TRIM13: variants seen among roughly 807,000 people sequenced by gnomAD.
TRIM13 encodes the protein tripartite motif containing 13, also known as E3 ubiquitin-protein ligase TRIM13.
A neutral mutation model predicts 27.1 loss-of-function variants in TRIM13; 15 were observed. That is an observed-to-expected ratio of 0.55 (90% CI 0.37 to 0.85). The LOEUF (loss-of-function observed/expected upper bound fraction) is 0.85. Ranked by LOEUF, TRIM13 falls within the 40% of genes least tolerant of loss-of-function variation. The probability of loss-of-function intolerance (pLI) is 0.00; values close to 1 mark genes in which losing one functional copy is unlikely to be tolerated. For missense variants in TRIM13, 402 were observed against 472.2 expected (o/e 0.85, Z 1.38); for synonymous variants, 193 against 171.5 (o/e 1.13, Z -0.98).
rs1173935698 is a variant in TRIM13, at chr13:50,014,313, CAAAAAAAAAAAAAAAAA to C, written c.*1165_*1181del. 5.2e-5 allele frequency: 1 copy of C among 19,294 alleles called. No homozygotes were observed. 1.2% of individuals were successfully genotyped at this position (19,294 alleles called of 1,614,324 possible). A position where few individuals can be genotyped will look rare whatever the true frequency, so the allele number is the denominator to read the frequency against. On this transcript the variant is annotated 3_prime_UTR_variant, in exon 2 of 2. Coordinates refer to ENST00000378182, the MANE Select transcript of TRIM13 (RefSeq NM_213590.3). ...AAACATAGCAAGACCCAGTCTCTAC[CAAAAAAAAAAAAAAAAA>C]AAAAAAAAAAAAAAATATATATATA...
chr13:49,998,513 G>A (rs1873553144), intron 1 of TRIM13, among the ~76,000 whole-genome samples: 1 of 152,150 alleles, frequency 6.6e-6, no homozygotes, highest in South Asian at 2.1e-4. Context: ...CCTTAAATGT[G>A]TAGAGTTTGC....
chr13:50,010,731 A>G (rs1448651855), intron 1 of TRIM13, among the ~76,000 whole-genome samples: 1 of 152,164 alleles, frequency 6.6e-6, no homozygotes, highest in Non-Finnish European at 1.5e-5. Flanking sequence ...AGATACTGTC[A>G]ATTGTTTTCT....
chr13:50,001,463 T>C (rs905017511), intron 1 of TRIM13, among the ~76,000 whole-genome samples: 1 of 152,198 alleles, frequency 6.6e-6, no homozygotes, highest in African/African-American at 2.4e-5. Flanking sequence ...TTGTGAACTT[T>C]CTGAGTAAGT....
intron 1 of TRIM13, among the ~76,000 whole-genome samples, chr13:50,010,382 C>A (rs1436397601): frequency 1.3e-5 from 2 of 152,192 alleles, no homozygotes; most frequent in African/African-American, 4.8e-5. Context: ...TATACAAAAA[C>A]TCAGCAAGTG....
At position 50,014,344 on chromosome 13, in the gene TRIM13, A is replaced by AATATAT. The variant is rs1555325056; in HGVS notation, c.*1192_*1197dup. On this transcript the variant is annotated 3_prime_UTR_variant, in exon 2 of 2. Coordinates refer to ENST00000378182, the MANE Select transcript of TRIM13 (RefSeq NM_213590.3). ...AAAAAAAAAAAAAAAAAAAAAAAAA[A>AATATAT]ATATATATATATATATACACACACA... 2,060 of 19,656 alleles carry AATATAT rather than the reference A, an allele frequency of 0.1. 196 individuals are homozygous for AATATAT. Among genetic ancestry groups the AATATAT allele is most frequent in the Middle Eastern group, 0.15 (4 of 26 alleles). 1.2% of individuals were successfully genotyped at this position (19,656 alleles called of 1,614,324 possible).
rs964564744 is a variant in TRIM13, at chr13:50,016,975, G to A, written c.*3811G>A. 2 of 166,094 alleles carry A rather than the reference G, an allele frequency of 1.2e-5. No individual in the cohort carries two copies. Among genetic ancestry groups the A allele is most frequent in the Admixed American group, 1.3e-4 (2 of 15,150 alleles). The allele number at this position is 166,094 out of a possible 1,614,324, so 10.3% of individuals were successfully genotyped here. On this transcript the variant is annotated 3_prime_UTR_variant, in exon 2 of 2. Coordinates refer to ENST00000378182, the MANE Select transcript of TRIM13 (RefSeq NM_213590.3). The stretch of plus-strand genomic sequence containing the variant: ...TCTCTCTCTTAGCGACACACTCCTT[G>A]GTCTTGCTTACCAACTGGAGGACAC...
intron 1 of TRIM13, among the ~76,000 whole-genome samples, chr13:50,006,497 A>G (rs1479231487): frequency 6.6e-6 from 1 of 152,084 alleles, no homozygotes; most frequent in African/African-American, 2.4e-5. Context: ...TGCCCTTACC[A>G]CTTTCCTGTT....
intron 1 of TRIM13, among the ~76,000 whole-genome samples, chr13:50,008,807 G>A (rs1875158751): frequency 1.3e-5 from 2 of 151,530 alleles, no homozygotes; most frequent in African/African-American, 4.9e-5. Flanking sequence ...CTTGAGCCCA[G>A]CAATTTGAGA....
At chr13:50,007,332 T>C (rs1874864502) in intron 1 of TRIM13, among the ~76,000 whole-genome samples, 1 of 145,612 alleles carries the variant, frequency 6.9e-6, no homozygotes, top group South Asian at 2.2e-4. Flanking sequence ...CTATTAAAAA[T>C]ACAACAAAAT....
Position 50,013,353 on chromosome 13 carries a change from C to A in TRIM13, c.*189C>A. 1.9e-6 allele frequency: 1 copy of A among 513,774 alleles called. No homozygotes were observed. The highest frequency in any genetic ancestry group is 3.3e-6 in the Non-Finnish European group (1 of 305,898). The allele number at this position is 513,774 out of a possible 1,614,324, so 31.8% of individuals were successfully genotyped here. On this transcript the variant is annotated 3_prime_UTR_variant, in exon 2 of 2. Coordinates refer to ENST00000378182, the MANE Select transcript of TRIM13 (RefSeq NM_213590.3). ...GAAATTTAGTAGTATAGGCCTGAACCTTTTTTTGTTTAAAAGAGTGCTTTT... is the reference window on the plus strand; with the variant it reads ...GAAATTTAGTAGTATAGGCCTGAACATTTTTTTGTTTAAAAGAGTGCTTTT...
intron 1 of TRIM13, among the ~76,000 whole-genome samples, chr13:50,004,936 T>C (rs1291615257): frequency 1.1e-3 from 170 of 150,360 alleles, no homozygotes; most frequent in African/African-American, 3.8e-3. Context: ...ATTAGCCGGG[T>C]GTGGTGGCGG....
Position 50,012,418 on chromosome 13 carries a change from C to T in TRIM13, c.478C>T (p.Arg160Cys), listed in dbSNP as rs747044059. ...ETWRRGDALS[R>C]LDTLETSKRK... ...CTGGCGTCGGGGAGATGCTCTTTCTCGCTTGGATACCTTGGAAACTAGTAA... is the reference window on the plus strand; with the variant it reads ...CTGGCGTCGGGGAGATGCTCTTTCTTGCTTGGATACCTTGGAAACTAGTAA... The change falls in exon 2 of 2, where the codon CGC becomes TGC. Residue 160 changes from arginine to cysteine, a missense_variant. Around this residue, in one of 2 missense-constraint regions of TRIM13, gnomAD observed 202 missense variants for 277.5 expected, o/e 0.73. Transcript: ENST00000378182. 8.7e-6 allele frequency: 14 copies of T among 1,613,988 alleles called. No individual in the cohort carries two copies. The highest frequency in any genetic ancestry group is 1.2e-5 in the Non-Finnish European group (14 of 1,179,978).
Position 50,018,108 on chromosome 13 carries a change from A to G in TRIM13, c.*4944A>G, listed in dbSNP as rs117138858. ...TCCTTTTTGAACTGGCTCAAATGGA[A>G]AAGTGTAGTTGCTTTTAAATGTTAA... On this transcript the variant is annotated 3_prime_UTR_variant, in exon 2 of 2. Transcript: ENST00000378182. The G allele has an allele frequency of 0.016, 2,596 of 167,178 alleles. 24 individuals are homozygous for G. The highest frequency in any genetic ancestry group is 0.023 in the Non-Finnish European group (1,578 of 68,098). The allele number at this position is 167,178 out of a possible 1,614,324, so 10.4% of individuals were successfully genotyped here.
At chr13:49,998,790 G>A (rs899337700) in intron 1 of TRIM13, among the ~76,000 whole-genome samples, 11 of 151,894 alleles carry the variant, frequency 7.2e-5, no homozygotes, top group Non-Finnish European at 4.4e-5. Context: ...TTAGCTGGGC[G>A]TGGGGGTGCG....
intron 1 of TRIM13, among the ~76,000 whole-genome samples, chr13:50,011,213 C>T (rs1341661545): frequency 6.6e-6 from 1 of 152,130 alleles, no homozygotes; most frequent in Non-Finnish European, 1.5e-5. Flanking sequence ...AGTGTCATTA[C>T]GAAAATAGTT....
rs141909089 is a variant in TRIM13 at position 50,001,335 on chromosome 13, A to G, written c.-7+3572A>G. Among the ~76,000 whole-genome samples, 428 of 151,304 alleles carry G rather than the reference A, an allele frequency of 2.8e-3. 4 individuals carry two copies. Among genetic ancestry groups the G allele is most frequent in the African/African-American group, 9.8e-3 (406 of 41,234 alleles). On this transcript the variant is annotated intron_variant, in intron 1 of 1. Coordinates refer to ENST00000378182, the MANE Select transcript of TRIM13 (RefSeq NM_213590.3). The stretch of plus-strand genomic sequence containing the variant: ...GGCAGGAAAGAGTCCAGGCTAAACT[A>G]TGGTATGGAGAAGAGAATGAAGGAA...
At chr13:50,007,796 A>G (rs1387894575) in intron 1 of TRIM13, among the ~76,000 whole-genome samples, 1 of 151,874 alleles carries the variant, frequency 6.6e-6, no homozygotes, top group African/African-American at 2.4e-5. Context: ...AAAAAAAAAA[A>G]AAGCCATAAA....
intron 1 of TRIM13, among the ~76,000 whole-genome samples, chr13:50,006,633 C>G (rs986854109): frequency 9.2e-5 from 14 of 152,060 alleles, no homozygotes; most frequent in African/African-American, 3.4e-4. Context: ...CTTCATTGTT[C>G]TGAAAGTTTG....
At chr13:50,009,582 C>A (rs1040340615) in intron 1 of TRIM13, among the ~76,000 whole-genome samples, 1 of 151,774 alleles carries the variant, frequency 6.6e-6, no homozygotes, top group Admixed American at 6.6e-5. Context: ...ACTAAAAATA[C>A]AAAAATTACC....
Sources: gnomAD v4.1 joint callset for allele counts (sites outside exome capture counted in the v4.1 genomes callset) on GRCh38, gnomAD v4.1.1 for gene constraint, gnomAD v4.1.1 regional missense constraint, MANE v1.5 for transcripts, NCBI Gene and HGNC (gene_info 2026-07-23, HGNC 2026-07-21) for gene names.